FHIT: variants seen among roughly 807,000 people sequenced by gnomAD.
FHIT encodes the protein bis(5'-adenosyl)-triphosphatase.
Under a neutral mutation model 17.9 loss-of-function variants are expected in FHIT, and 19 were observed. That is an observed-to-expected ratio of 1.06 (90% CI 0.74 to 1.56). The LOEUF is 1.56. Ranked by LOEUF, FHIT falls within the 40% of genes most tolerant of loss-of-function variation. The probability of loss-of-function intolerance (pLI) is 0.00; values close to 1 mark genes in which losing one functional copy is unlikely to be tolerated. For missense variants in FHIT, 248 were observed against 189.2 expected, an observed-to-expected ratio of 1.31 and a Z score of -1.82; for synonymous variants, 81 against 69.7, an observed-to-expected ratio of 1.16 and a Z score of -0.81.
intron 5 of FHIT, among the ~76,000 whole-genome samples, chr3:60,264,662 G>T (rs1319079430): frequency 1.3e-5 from 2 of 151,890 alleles, no homozygotes; most frequent in Non-Finnish European, 2.9e-5. Context: ...CCTCTGCTAG[G>T]AATGGCTTCA....
Position 61,126,441 on chromosome 3 carries a change from G to A in FHIT, c.-164+74176C>T, listed in dbSNP as rs748945313. Among the ~76,000 whole-genome samples the A allele has an allele frequency of 8.5e-5, 13 of 152,224 alleles. No homozygotes were observed. In the East Asian group the frequency reaches 1.2e-3, roughly 14 times the overall value. On this transcript the variant is annotated intron_variant, in intron 2 of 9. Transcript: ENST00000492590. ...GCCTCAGGAAAATTACAGTCATGGCGGAAGGGGAAGAGGCACATCTTACAT... is the reference window on the plus strand; with the variant it reads ...GCCTCAGGAAAATTACAGTCATGGCAGAAGGGGAAGAGGCACATCTTACAT...
chr3:60,664,556 TA>T (rs562568676), intron 4 of FHIT, among the ~76,000 whole-genome samples: 168 of 152,058 alleles, frequency 1.1e-3, no homozygotes, highest in Admixed American at 2.4e-3. Flanking sequence ...AAATTGGCAT[TA>T]TTTTTTTTTA....
At chr3:59,918,062 T>C (rs1278771571) in intron 8 of FHIT, among the ~76,000 whole-genome samples, 1 of 152,218 alleles carries the variant, frequency 6.6e-6, no homozygotes, top group Non-Finnish European at 1.5e-5. Context: ...AATGCCCCAT[T>C]AAATTCACCT....
intron 3 of FHIT, among the ~76,000 whole-genome samples, chr3:61,009,529 A>C (rs1266404183): frequency 6.6e-6 from 1 of 152,158 alleles, no homozygotes; most frequent in Non-Finnish European, 1.5e-5. Flanking sequence ...TACAGATCAA[A>C]TTCATATACT....
At chr3:60,864,136 GA>G (rs1553753330) in intron 3 of FHIT, among the ~76,000 whole-genome samples, 1 of 151,868 alleles carries the variant, frequency 6.6e-6, no homozygotes, top group African/African-American at 2.4e-5. Flanking sequence ...ACTTAATCAC[GA>G]GAACAGCATG....
At chr3:61,025,684 G>C (rs186228050) in intron 3 of FHIT, among the ~76,000 whole-genome samples, 103 of 152,262 alleles carry the variant, frequency 6.8e-4, no homozygotes, top group African/African-American at 2.4e-3. Context: ...ACCAAGGAAG[G>C]GAGAAAAGTA....
At chr3:60,661,474 T>C (rs76680692) in intron 4 of FHIT, among the ~76,000 whole-genome samples, 3 of 152,202 alleles carry the variant, frequency 2.0e-5, no homozygotes, top group Non-Finnish European at 2.9e-5. Flanking sequence ...TTGGGATGGT[T>C]CCATAGTTTT....
At chr3:61,060,354 TA>T (rs1178633606) in intron 2 of FHIT, among the ~76,000 whole-genome samples, 7 of 152,180 alleles carry the variant, frequency 4.6e-5, no homozygotes, top group Non-Finnish European at 1.0e-4. Context: ...TCAATGACAT[TA>T]AGTAAGGACT....
chr3:60,631,772 G>A (rs980612402), intron 4 of FHIT, among the ~76,000 whole-genome samples: 6 of 152,180 alleles, frequency 3.9e-5, no homozygotes, highest in African/African-American at 1.4e-4. Flanking sequence ...CGTGGGCACC[G>A]TGCCTTTCCT....
intron 5 of FHIT, among the ~76,000 whole-genome samples, chr3:60,259,396 C>G (rs937121069): frequency 6.6e-6 from 1 of 152,034 alleles, no homozygotes; most frequent in Non-Finnish European, 1.5e-5. Flanking sequence ...AAATCCAAAC[C>G]ACAGATAAGA....
chr3:60,331,104 T>C (rs565550769), intron 5 of FHIT, among the ~76,000 whole-genome samples: 1 of 152,294 alleles, frequency 6.6e-6, no homozygotes, highest in Non-Finnish European at 1.5e-5. Context: ...ACTCACCTAC[T>C]GCCACTTTTC....
intron 2 of FHIT, among the ~76,000 whole-genome samples, chr3:61,123,937 T>C (rs2036535922): frequency 6.6e-6 from 1 of 152,134 alleles, no homozygotes. Flanking sequence ...GTGAATAACA[T>C]AGTATCAAAA....
At chr3:60,439,012 T>C (rs1029372654) in intron 5 of FHIT, among the ~76,000 whole-genome samples, 1 of 152,176 alleles carries the variant, frequency 6.6e-6, no homozygotes, top group Admixed American at 6.6e-5. Context: ...CCATTACTTT[T>C]TTCGAAAGAT....
At position 60,259,153 on chromosome 3, in the gene FHIT, T is replaced by C. The variant is rs143576414; in HGVS notation, c.104-245001A>G. ...CAAAGTTATAGCCGTCAAAACTACATAGGAATCTCTGCAGCAGGCCAGGAA... is the reference window on the plus strand; with the variant it reads ...CAAAGTTATAGCCGTCAAAACTACACAGGAATCTCTGCAGCAGGCCAGGAA... On this transcript the variant is annotated intron_variant, in intron 5 of 9. Coordinates refer to ENST00000492590, the MANE Select transcript of FHIT (RefSeq NM_002012.4). Among the ~76,000 whole-genome samples the C allele has an allele frequency of 1.8e-3, 267 of 151,904 alleles. 1 individual carries two copies. The highest frequency in any genetic ancestry group is 6.0e-3 in the African/African-American group (250 of 41,426).
rs79835070 is a variant in FHIT at position 59,766,973 on chromosome 3, T to C, written c.349-14652A>G. On this transcript the variant is annotated intron_variant, in intron 8 of 9. Transcript: ENST00000492590. ...GAGTTCCTAATTGGTTATCAGACTG[T>C]GTCTACCAGATGCCAAAATTAAATT... Among the ~76,000 whole-genome samples, 15 of 152,326 alleles carry C rather than the reference T, an allele frequency of 9.8e-5. No homozygotes were observed. In the East Asian group the frequency reaches 2.9e-3, roughly 29 times the overall value.
chr3:60,997,508 G>C (rs981945823), intron 3 of FHIT, among the ~76,000 whole-genome samples: 14 of 152,158 alleles, frequency 9.2e-5, no homozygotes, highest in Non-Finnish European at 1.8e-4. Flanking sequence ...GAGTGTTGAG[G>C]GGGGTGTGGA....
chr3:61,113,786 A>G (rs1031038109), intron 2 of FHIT, among the ~76,000 whole-genome samples: 1 of 152,184 alleles, frequency 6.6e-6, no homozygotes, highest in African/African-American at 2.4e-5. Context: ...TAAACATTTG[A>G]GGAATAAATG....
chr3:61,243,911 A>T (rs932044436), intron 1 of FHIT: 3 of 152,212 alleles, frequency 2.0e-5, no homozygotes, highest in African/African-American at 7.2e-5. Context: ...ATTCCATGAC[A>T]GCTTTGTGAT....
At chr3:60,910,982 G>A (rs969864469) in intron 3 of FHIT, among the ~76,000 whole-genome samples, 34 of 152,114 alleles carry the variant, frequency 2.2e-4, no homozygotes, top group African/African-American at 7.7e-4. Context: ...GGAAGAAACC[G>A]GAGATTTTAA....
Sources: gnomAD v4.1 joint callset for allele counts (sites outside exome capture counted in the v4.1 genomes callset) on GRCh38, gnomAD v4.1.1 for gene constraint, MANE v1.5 for transcripts, NCBI Gene and HGNC (gene_info 2026-07-23, HGNC 2026-07-21) for gene names.